KCNN2: variants seen among roughly 807,000 people sequenced by gnomAD.
KCNN2 encodes the protein potassium calcium-activated channel subfamily N member 2, also known as small conductance calcium-activated potassium channel protein 2.
Under a neutral mutation model 55.5 loss-of-function variants are expected in KCNN2, and 24 were observed. The observed-to-expected ratio is 0.43, with a 90% CI of 0.31 to 0.61. KCNN2 has a LOEUF of 0.61. KCNN2 is among the 20% of genes least tolerant of loss of function. KCNN2 has a pLI of 0.08. For missense variants in KCNN2, 754 were observed against 853.6 expected (o/e 0.88, Z 1.45); for synonymous variants, 431 against 336.1 (o/e 1.28, Z -3.09).
At chr5:114,330,480 A>G (rs1756796648) in intron 2 of KCNN2, among the ~76,000 whole-genome samples, 1 of 152,236 alleles carries the variant, frequency 6.6e-6, no homozygotes, top group Admixed American at 6.5e-5. Flanking sequence ...TATACAACAT[A>G]TCATTCAGAG....
chr5:114,143,597 A>G (rs539992094), intron 1 of KCNN2, among the ~76,000 whole-genome samples: 199 of 152,242 alleles, frequency 1.3e-3, no homozygotes, highest in Non-Finnish European at 2.3e-3. Context: ...ACCCAGAGCT[A>G]TGAACATCTG....
intron 2 of KCNN2, among the ~76,000 whole-genome samples, chr5:114,336,948 T>A (rs1205137140): frequency 6.6e-6 from 1 of 152,164 alleles, no homozygotes; most frequent in Non-Finnish European, 1.5e-5. Context: ...GTAAGAACTT[T>A]TGGATTTATT....
chr5:114,448,108 A>G (rs866564896), intron 3 of KCNN2, among the ~76,000 whole-genome samples: 2 of 152,256 alleles, frequency 1.3e-5, no homozygotes, highest in Middle Eastern at 6.8e-3. Flanking sequence ...TTCTCCAACC[A>G]TTATATGTTT....
chr5:114,318,605 G>A (rs607821), intron 2 of KCNN2, among the ~76,000 whole-genome samples: 99,251 of 150,482 alleles, frequency 0.66, 33,124 homozygotes, highest in East Asian at 0.9. Context: ...ATACATAATT[G>A]TATATGATAA....
At chr5:114,285,061 T>C (rs1256793640) in intron 2 of KCNN2, among the ~76,000 whole-genome samples, 7 of 150,904 alleles carry the variant, frequency 4.6e-5, no homozygotes, top group African/African-American at 7.3e-5. Context: ...GGCGGGCGGA[T>C]CACGAGGTCA....
intron 2 of KCNN2, among the ~76,000 whole-genome samples, chr5:114,247,162 A>AATC (rs1349676973): frequency 6.7e-6 from 1 of 148,310 alleles, no homozygotes; most frequent in Non-Finnish European, 1.5e-5. Context: ...TAATAATAAT[A>AATC]ATAATACAAA....
At chr5:114,065,846 G>GGTTTTTTTTTTTTTTTT (rs1750434865) in intron 1 of KCNN2, among the ~76,000 whole-genome samples, 1 of 45,196 alleles carries the variant, frequency 2.2e-5, no homozygotes, top group African/African-American at 8.5e-5. Context: ...TCCTATGCAG[G>GGTTTTTTTTTTTTTTTT]TTTTTTTTTT....
At chr5:114,392,916 T>A (rs991944927) in intron 2 of KCNN2, among the ~76,000 whole-genome samples, 3 of 151,850 alleles carry the variant, frequency 2.0e-5, no homozygotes, top group Non-Finnish European at 4.4e-5. Flanking sequence ...TGCATTTTTG[T>A]TTGGGGCCAT....
chr5:114,103,461 T>C (rs1280517671), intron 1 of KCNN2, among the ~76,000 whole-genome samples: 1 of 152,150 alleles, frequency 6.6e-6, no homozygotes, highest in African/African-American at 2.4e-5. Flanking sequence ...TCCAATACTA[T>C]GTTGAGTAGG....
At chr5:114,380,815 G>C (rs1758096965) in intron 2 of KCNN2, among the ~76,000 whole-genome samples, 1 of 152,106 alleles carries the variant, frequency 6.6e-6, no homozygotes, top group African/African-American at 2.4e-5. Flanking sequence ...TGTGGCCTTT[G>C]GGGTTCACTA....
At chr5:114,461,577 G>T (rs1038906476) in intron 3 of KCNN2, among the ~76,000 whole-genome samples, 5 of 152,150 alleles carry the variant, frequency 3.3e-5, no homozygotes, top group Admixed American at 1.3e-4. Context: ...TTGGAAGAAG[G>T]CAAAGGGACA....
At chr5:114,473,357 TG>T in intron 5 of KCNN2, 193 bp downstream of exon 5, 1 of 576,672 alleles carries the variant, frequency 1.7e-6, no homozygotes, top group Non-Finnish European at 3.1e-6. Flanking sequence ...AGGAAGTAAT[TG>T]GGCAGTCTTG....
intron 3 of KCNN2, among the ~76,000 whole-genome samples, chr5:114,430,907 C>G (rs866471007): frequency 6.6e-6 from 1 of 152,046 alleles, no homozygotes; most frequent in Non-Finnish European, 1.5e-5. Context: ...CATTGATTTT[C>G]AAATGTTGAA....
rs149141984 is a variant in KCNN2 at position 114,073,129 on chromosome 5, C to A, written c.-271+16629C>A. 1.3e-3 allele frequency among the ~76,000 whole-genome samples: 191 copies of A among 152,240 alleles called. 1 individual carries two copies. The highest frequency in any genetic ancestry group is 4.4e-3 in the African/African-American group (183 of 41,562). ...GTAATAACTTCTCTTCTCCCTTAGT[C>A]AGTGTTATCATCTTTGTGTTCTTCT... On this transcript the variant is annotated intron_variant, in intron 1 of 10. Transcript: ENST00000512097.
chr5:114,388,572 T>G (rs1358170538), intron 2 of KCNN2, among the ~76,000 whole-genome samples: 1 of 152,156 alleles, frequency 6.6e-6, no homozygotes, highest in Non-Finnish European at 1.5e-5. Context: ...AGTCAATTTG[T>G]GTTTAGACTT....
chr5:114,092,598 C>T (rs1479854011), intron 1 of KCNN2, among the ~76,000 whole-genome samples: 1 of 152,224 alleles, frequency 6.6e-6, no homozygotes, highest in Admixed American at 6.5e-5. Flanking sequence ...AGCAGAGTTT[C>T]TCCATGAGGG....
chr5:114,184,605 G>T lies in KCNN2; in HGVS notation c.-270-36875G>T, dbSNP rs544085727. The stretch of plus-strand genomic sequence containing the variant: ...TGTGGCTTTAGTGTTAAGAATGCTG[G>T]ATTATATTTAAAAATATATGCTGAT... On this transcript the variant is annotated intron_variant, in intron 1 of 10. Coordinates refer to the KCNN2 transcript ENST00000512097. 2.0e-4 allele frequency among the ~76,000 whole-genome samples: 31 copies of T among 152,168 alleles called. No homozygotes were observed. The South Asian group carries it at 5.2e-3, about 25-fold the overall frequency.
intron 2 of KCNN2, among the ~76,000 whole-genome samples, chr5:114,370,704 C>CAGCAG (rs1554084008): frequency 3.3e-5 from 5 of 151,902 alleles, no homozygotes; most frequent in African/African-American, 1.2e-4. Flanking sequence ...GAGAGCAAAC[C>CAGCAG]AGCATAGCAT....
intron 1 of KCNN2, among the ~76,000 whole-genome samples, chr5:114,163,941 T>A (rs1008133830): frequency 6.6e-6 from 1 of 152,108 alleles, no homozygotes; most frequent in Non-Finnish European, 1.5e-5. Flanking sequence ...TTTTTAAGTA[T>A]GCTTTATATT....
Sources: gnomAD v4.1 joint callset for allele counts (sites outside exome capture counted in the v4.1 genomes callset) on GRCh38, gnomAD v4.1.1 for gene constraint, MANE v1.5 for transcripts, NCBI Gene and HGNC (gene_info 2026-07-23, HGNC 2026-07-21) for gene names.